PCDHGA12: variants seen among roughly 807,000 people sequenced by gnomAD.
PCDHGA12 encodes protocadherin gamma-A12.
In PCDHGA12, 43 loss-of-function variants were observed where a neutral mutation model predicts 61.1. The observed-to-expected ratio is 0.70, with a 90% confidence interval of 0.55 to 0.91. PCDHGA12 has a LOEUF of 0.91. Ranked by LOEUF, PCDHGA12 falls within the 40% of genes least tolerant of loss-of-function variation. PCDHGA12 has a pLI of 0.00. For synonymous variants in PCDHGA12, 520 were observed against 542.9 expected (o/e 0.96, Z 0.59); for missense variants, 1,236 against 1,227.7 (o/e 1.01, Z -0.10).
chr5:141,431,799 T>A lies in PCDHGA12; in HGVS notation c.1040T>A (p.Val347Glu). 6.2e-7 allele frequency: 1 copy of A among 1,614,228 alleles called. No homozygotes were observed. The highest frequency in any genetic ancestry group is 8.5e-7 in the Non-Finnish European group (1 of 1,180,036). Residue 347 changes from valine to glutamate, a missense_variant, in exon 1 of 4, where the codon GTG (valine) becomes GAG (glutamate). Val to Glu is a moderately radical substitution (Grantham distance 121, BLOSUM62 -2). Transcript: ENST00000252085. This position sits in a 1 kb window ranked among gnomAD's most constrained non-coding sequence, Gnocchi z 4.8. ...VLDVNDNAPE[V>E]VLTSLASSVP... ...GACGTGAACGACAATGCCCCAGAAG[T>A]GGTCCTCACCTCTCTCGCCAGCTCG...
Position 141,485,152 on chromosome 5 carries a change from A to C in PCDHGA12, c.2425-9655A>C. ...CTTCATCCGCGTCTCAGGAGCAAGT[A>C]GAGAATTAGCGGGCGGCAGCAATGC... On this transcript the variant is annotated intron_variant, in intron 1 of 3. Coordinates refer to ENST00000252085, the MANE Select transcript of PCDHGA12 (RefSeq NM_003735.3). The surrounding 1 kb of genome is among the most constrained non-coding windows in gnomAD (Gnocchi z 5.7). 8.8e-6 allele frequency: 14 copies of C among 1,586,038 alleles called. No individual in the cohort carries two copies. The highest frequency in any genetic ancestry group is 1.0e-5 in the Non-Finnish European group (12 of 1,157,128).
chr5:141,485,192 A>T lies in PCDHGA12; in HGVS notation c.2425-9615A>T. 1.2e-6 allele frequency: 2 copies of T among 1,613,942 alleles called. No individual in the cohort carries two copies. Among genetic ancestry groups the T allele is most frequent in the African/African-American group, 2.7e-5 (2 of 75,048 alleles). On this transcript the variant is annotated intron_variant, in intron 1 of 3. Transcript: ENST00000252085. The surrounding 1 kb of genome is among the most constrained non-coding windows in gnomAD (Gnocchi z 5.7). ...GGCAGCAATGCTCCGCAAGGTGAGA[A>T]GCTGGACAGAAATCTGGCGGTGGGC... is the stretch of plus-strand genomic sequence containing the variant.
intron 1 of PCDHGA12, among the ~76,000 whole-genome samples, chr5:141,438,598 AT>A (rs1433028092): frequency 6.7e-5 from 2 of 29,776 alleles, no homozygotes; most frequent in Non-Finnish European, 1.4e-4. Context: ...ATACATATAT[AT>A]ATATATATAT....
chr5:141,438,450 A>G (rs1017249043), intron 1 of PCDHGA12, among the ~76,000 whole-genome samples: 32 of 151,738 alleles, frequency 2.1e-4, no homozygotes, highest in African/African-American at 7.5e-4. Flanking sequence ...ACTCAATACA[A>G]TGCTTGAGTT....
chr5:141,482,492 T>C (rs1167963137), intron 1 of PCDHGA12, among the ~76,000 whole-genome samples: 1 of 144,468 alleles, frequency 6.9e-6, no homozygotes, highest in Non-Finnish European at 1.5e-5. Flanking sequence ...TTAAAAGTTA[T>C]CATTCTGGTA....
At chr5:141,437,863 G>A (rs2097915247) in intron 1 of PCDHGA12, among the ~76,000 whole-genome samples, 2 of 151,480 alleles carry the variant, frequency 1.3e-5, no homozygotes, top group African/African-American at 2.4e-5. Context: ...TTAGCCTCCC[G>A]AGTAGCTGGG....
In PCDHGA12 at chr5:141,491,803, C is replaced by T. The variant is rs2099730932; in HGVS notation, c.2425-3004C>T. ...CTTGCATCCACTCCTCTCCGGCCGG[C>T]TTGGTCGCTGGCTGCGCTCCACCCG... On this transcript the variant is annotated intron_variant, in intron 1 of 3. Transcript: ENST00000252085. This position sits in a 1 kb window ranked among gnomAD's most constrained non-coding sequence, Gnocchi z 6.9. 1 of 1,497,820 alleles carries T rather than the reference C, an allele frequency of 6.7e-7. No individual in the cohort carries two copies. Among genetic ancestry groups the T allele is most frequent in the Non-Finnish European group, 8.9e-7 (1 of 1,124,124 alleles). 92.8% of individuals were successfully genotyped at this position (1,497,820 alleles called of 1,614,324 possible).
intron 1 of PCDHGA12, among the ~76,000 whole-genome samples, chr5:141,483,648 T>TTGTGTGTG (rs111458813): frequency 0.019 from 2,886 of 149,692 alleles, 51 homozygotes; most frequent in African/African-American, 0.054. Flanking sequence ...GGGTGTGTGT[T>TTGTGTGTG]TGTGTGTGTG....
At chr5:141,444,188 T>TTTTTTTTTTG (rs2098424052) in intron 1 of PCDHGA12, among the ~76,000 whole-genome samples, 1 of 129,374 alleles carries the variant, frequency 7.7e-6, no homozygotes, top group African/African-American at 3.1e-5. Flanking sequence ...TTTTTTTTTT[T>TTTTTTTTTTG]GAGATGGAGT....
chr5:141,486,166 G>A lies in PCDHGA12; in HGVS notation c.2425-8641G>A. ...GCGATGGGGGTTCTCCAGCCATGGA[G>A]CAACATTGCAGCCTTCGAGTGGATC... On this transcript the variant is annotated intron_variant, in intron 1 of 3. Coordinates refer to ENST00000252085, the MANE Select transcript of PCDHGA12 (RefSeq NM_003735.3). The surrounding 1 kb of genome is among the most constrained non-coding windows in gnomAD (Gnocchi z 5.0). The A allele has an allele frequency of 2.5e-6, 4 of 1,614,224 alleles. No individual in the cohort carries two copies. The highest frequency in any genetic ancestry group is 3.4e-6 in the Non-Finnish European group (4 of 1,180,040).
At position 141,477,115 on chromosome 5, in the gene PCDHGA12, A is replaced by G. The variant is rs1218111107; in HGVS notation, c.2425-17692A>G. ...AAGACAAGGGCGCCAATCCCGAAGG[A>G]GCACATTGCAAAGTGTTGGTGGAGG... On this transcript the variant is annotated intron_variant, in intron 1 of 3. Transcript: ENST00000252085. This position sits in a 1 kb window ranked among gnomAD's most constrained non-coding sequence, Gnocchi z 4.9. 1 of 1,614,230 alleles carries G rather than the reference A, an allele frequency of 6.2e-7. No homozygotes were observed. Among genetic ancestry groups the G allele is most frequent in the South Asian group, 1.1e-5 (1 of 91,090 alleles).
chr5:141,458,464 G>A (rs1035826436), intron 1 of PCDHGA12, among the ~76,000 whole-genome samples: 30 of 152,030 alleles, frequency 2.0e-4, no homozygotes, highest in Admixed American at 9.8e-4. Flanking sequence ...TTAAAATACC[G>A]TACAACTGCA....
intron 3 of PCDHGA12, among the ~76,000 whole-genome samples, chr5:141,509,518 T>A (rs1441963133): frequency 6.6e-6 from 1 of 152,170 alleles, no homozygotes; most frequent in Non-Finnish European, 1.5e-5. Context: ...GTTGATGATG[T>A]ATTGCACAGG....
chr5:141,470,538 A>G (rs2099232733), intron 1 of PCDHGA12, among the ~76,000 whole-genome samples: 1 of 152,140 alleles, frequency 6.6e-6, no homozygotes, highest in African/African-American at 2.4e-5. Context: ...GTATCAGGTA[A>G]TATTTATTGA....
chr5:141,442,725 G>A (rs1381140725), intron 1 of PCDHGA12, among the ~76,000 whole-genome samples: 1 of 152,198 alleles, frequency 6.6e-6, no homozygotes, highest in Admixed American at 6.5e-5. Flanking sequence ...AGCATTTGGG[G>A]CCTGTAGGTA....
chr5:141,431,375 G>C lies in PCDHGA12; in HGVS notation c.616G>C (p.Ala206Pro). ...ACGCGCCCTGGACCGCGAAGAAAAG[G>C]CTGCTCACCACCTGGTCCTTACGGC... Reference protein sequence around the residue: ...LKRALDREEKAAHHLVLTASD... With the variant: ...LKRALDREEKPAHHLVLTASD... The change falls in exon 1 of 4, where the codon GCT becomes CCT. Residue 206 changes from alanine (A) to proline (P), a missense_variant. Transcript: ENST00000252085. This position sits in a 1 kb window ranked among gnomAD's most constrained non-coding sequence, Gnocchi z 4.8. 6.2e-7 allele frequency: 1 copy of C among 1,613,422 alleles called. No individual in the cohort carries two copies. The highest frequency in any genetic ancestry group is 8.5e-7 in the Non-Finnish European group (1 of 1,179,570).
rs755093164 is a variant in PCDHGA12, at chr5:141,485,516, G to C, written c.2425-9291G>C. On this transcript the variant is annotated intron_variant, in intron 1 of 3. Coordinates refer to ENST00000252085, the MANE Select transcript of PCDHGA12 (RefSeq NM_003735.3). The surrounding 1 kb of genome is among the most constrained non-coding windows in gnomAD (Gnocchi z 5.7). Reference sequence around the variant, plus strand: ...GGAGTTTGTCACCGAAGGTCCTTTGGAAATGTACCGAGCAGAGGTAGAGAT... The same window carrying C: ...GGAGTTTGTCACCGAAGGTCCTTTGCAAATGTACCGAGCAGAGGTAGAGAT... 1 of 1,614,172 alleles carries C rather than the reference G, an allele frequency of 6.2e-7. No individual in the cohort carries two copies.
intron 1 of PCDHGA12, among the ~76,000 whole-genome samples, chr5:141,446,150 A>G (rs754792549): frequency 6.6e-6 from 1 of 152,216 alleles, no homozygotes; most frequent in Non-Finnish European, 1.5e-5. Flanking sequence ...GAATAGGTGG[A>G]ATATAAATTT....
intron 1 of PCDHGA12, among the ~76,000 whole-genome samples, chr5:141,473,466 G>A (rs1217251844): frequency 1.3e-5 from 2 of 151,738 alleles, no homozygotes; most frequent in East Asian, 1.9e-4. Flanking sequence ...TTAAAGTTGT[G>A]CCAAGTTCAA....
Sources: allele counts gnomAD v4.1 joint callset (sites outside exome capture counted in the v4.1 genomes callset), GRCh38; gene constraint gnomAD v4.1.1; non-coding constraint Gnocchi (gnomAD v3.1); transcripts MANE v1.5; gene names NCBI Gene and HGNC (gene_info 2026-07-23, HGNC 2026-07-21).